NID2: variants seen among roughly 807,000 people sequenced by gnomAD.
NID2 encodes nidogen 2.
A neutral mutation model predicts 145.4 loss-of-function variants in NID2; 83 were observed. The ratio of observed to expected loss-of-function variants is 0.57; its 90% CI spans 0.48 to 0.69. The LOEUF (loss-of-function observed/expected upper bound fraction) is 0.69, where lower values mean the gene tolerates loss of function less well. Among genes scored for constraint, NID2 ranks in the 30% least tolerant of loss-of-function variants. The probability of loss-of-function intolerance (pLI) is 0.00; values close to 1 mark genes in which losing one functional copy is unlikely to be tolerated. For missense variants in NID2, 1,807 were observed against 1,765.7 expected (o/e 1.02, Z -0.42); for synonymous variants, 739 against 701.3 (o/e 1.05, Z -0.85).
chr14:52,029,713 A>C (rs761817602), intron 9 of NID2, 23 bp from the exon 10 acceptor site: 2 of 1,607,148 alleles, frequency 1.2e-6, no homozygotes, highest in Admixed American at 3.3e-5. Context: ...AGGGGAAATA[A>C]AAGCACAATC....
intron 5 of NID2, among the ~76,000 whole-genome samples, chr14:52,045,497 A>C (rs1271809679): frequency 4.6e-5 from 7 of 152,172 alleles, no homozygotes; most frequent in Non-Finnish European, 8.8e-5. Flanking sequence ...AACTTTATTT[A>C]AACAAGAAAG....
intron 14 of NID2, among the ~76,000 whole-genome samples, chr14:52,018,648 C>T (rs537499147): frequency 6.6e-6 from 1 of 152,322 alleles, no homozygotes; most frequent in Non-Finnish European, 1.5e-5. Flanking sequence ...TGTTTCCTGC[C>T]ATTCAGAAGG....
intron 5 of NID2, among the ~76,000 whole-genome samples, chr14:52,049,600 C>T (rs141842119): frequency 2.0e-5 from 3 of 152,096 alleles, no homozygotes; most frequent in Non-Finnish European, 4.4e-5. Flanking sequence ...TCATTTTCAC[C>T]GCAGGAAAAA....
At chr14:52,026,413 C>G (rs947533994) in intron 12 of NID2, among the ~76,000 whole-genome samples, 2 of 152,156 alleles carry the variant, frequency 1.3e-5, no homozygotes, top group Non-Finnish European at 2.9e-5. Context: ...AACACGTTTC[C>G]CACCATTCTC....
chr14:52,045,217 G>C (rs530343569), intron 5 of NID2, among the ~76,000 whole-genome samples: 2 of 152,270 alleles, frequency 1.3e-5, no homozygotes, highest in Non-Finnish European at 2.9e-5. Flanking sequence ...AGATTATCGA[G>C]ATGACTATTA....
chr14:52,012,374 CAGG>C lies in NID2; in HGVS notation c.3421-694_3421-692del, dbSNP rs368573051. Among the ~76,000 whole-genome samples, 3 of 152,296 alleles carry C rather than the reference CAGG, an allele frequency of 2.0e-5. No homozygotes were observed. The East Asian group carries it at 5.8e-4, about 29-fold the overall frequency. ...ATCCCTGTCCGTTGGGAGGCCAAAGCAGGAGGATTGCTTGAGCCCAGGAGTTCG... is the reference window on the plus strand; with the variant it reads ...ATCCCTGTCCGTTGGGAGGCCAAAGCAGGATTGCTTGAGCCCAGGAGTTCG... On this transcript the variant is annotated intron_variant, in intron 16 of 21. Transcript: ENST00000216286.
At chr14:52,057,103 T>C (rs533694133) in intron 3 of NID2, among the ~76,000 whole-genome samples, 1 of 152,274 alleles carries the variant, frequency 6.6e-6, no homozygotes, top group African/African-American at 2.4e-5. Context: ...AGTGGTGTGA[T>C]TGATCATGGC....
intron 6 of NID2, 25 bp from the exon 7 acceptor site, chr14:52,042,375 G>A (rs371632394): frequency 6.3e-7 from 1 of 1,592,130 alleles, no homozygotes; most frequent in Non-Finnish European, 8.6e-7. Context: ...ATCCAGTTAG[G>A]CTTGGACGTC....
intron 15 of NID2, 57 bp downstream of exon 15, chr14:52,014,997 A>G: frequency 7.0e-7 from 1 of 1,428,862 alleles, no homozygotes; most frequent in East Asian, 2.4e-5. Flanking sequence ...AGCAGGCACC[A>G]TCCCTAGCAA....
In NID2 at chr14:52,042,336, C is replaced by T; in HGVS notation, c.1594G>A (p.Val532Met). 2 of 1,610,808 alleles carry T rather than the reference C, an allele frequency of 1.2e-6. No homozygotes were observed. Among genetic ancestry groups the T allele is most frequent in the Non-Finnish European group, 1.7e-6 (2 of 1,177,540 alleles). The change falls in exon 7 of 22, where the codon GTG becomes ATG. Residue 532 changes from valine (V) to methionine (M), a missense_variant. Coordinates refer to ENST00000216286, the MANE Select transcript of NID2 (RefSeq NM_007361.4). ...HCLPEGAPHR[V>M]NGKVSGHLHV... ...AGGTGGCCACTCACTTTCCCATTCA[C>T]TCGGTGAGGTGCCCCTAAAAGACAG...
chr14:52,047,861 C>T (rs889408594), intron 5 of NID2, among the ~76,000 whole-genome samples: 5 of 152,134 alleles, frequency 3.3e-5, no homozygotes, highest in Non-Finnish European at 5.9e-5. Context: ...GTCCTTCACA[C>T]GGAGAGCTGC....
intron 12 of NID2, among the ~76,000 whole-genome samples, chr14:52,025,760 T>C (rs1032131594): frequency 6.6e-6 from 1 of 152,144 alleles, no homozygotes; most frequent in African/African-American, 2.4e-5. Flanking sequence ...CATTAATCCA[T>C]TGATAGGGGC....
intron 18 of NID2, chr14:52,009,180 G>A (rs1890912826): frequency 6.6e-6 from 1 of 152,200 alleles, no homozygotes. Context: ...GAGAAGCTGA[G>A]AGCAAAAGCT....
At chr14:52,048,274 C>T (rs993927279) in intron 5 of NID2, among the ~76,000 whole-genome samples, 3 of 152,170 alleles carry the variant, frequency 2.0e-5, no homozygotes, top group African/African-American at 4.8e-5. Flanking sequence ...GTAATACAGA[C>T]GCACAGCAGC....
chr14:52,035,454 A>G (rs1892025352), intron 9 of NID2, among the ~76,000 whole-genome samples: 1 of 152,200 alleles, frequency 6.6e-6, no homozygotes, highest in Non-Finnish European at 1.5e-5. Flanking sequence ...ATATGCCTAG[A>G]ACATTTTAAA....
chr14:52,049,705 T>G (rs1892625539), intron 5 of NID2, among the ~76,000 whole-genome samples: 1 of 152,146 alleles, frequency 6.6e-6, no homozygotes, highest in Non-Finnish European at 1.5e-5. Context: ...TTCGTCCAGT[T>G]TTCATGTTTG....
chr14:52,034,257 C>A (rs916713390), intron 9 of NID2, among the ~76,000 whole-genome samples: 3 of 152,090 alleles, frequency 2.0e-5, no homozygotes, highest in African/African-American at 7.2e-5. Context: ...CCCAGAGACA[C>A]ATCTTTTTCC....
Position 52,052,924 on chromosome 14 carries a change from C to T in NID2, c.1429+655G>A, listed in dbSNP as rs944082158. Among the ~76,000 whole-genome samples the T allele has an allele frequency of 1.8e-4, 27 of 152,170 alleles. 1 individual carries two copies. Among genetic ancestry groups the T allele is most frequent in the Admixed American group, 5.9e-4 (9 of 15,278 alleles). On this transcript the variant is annotated intron_variant, in intron 5 of 21. Transcript: ENST00000216286. ...CCCCATGTCCATGATAATTAACCAC[C>T]GCCTGCTTTCGCCATCTCCCTCCTC...
chr14:52,033,494 G>A (rs756341098), intron 9 of NID2, among the ~76,000 whole-genome samples: 4 of 152,216 alleles, frequency 2.6e-5, no homozygotes, highest in African/African-American at 4.8e-5. Flanking sequence ...AGAAGTCACC[G>A]AGGGACAGAG....
Sources: gnomAD v4.1 joint callset for allele counts (sites outside exome capture counted in the v4.1 genomes callset) on GRCh38, gnomAD v4.1.1 for gene constraint, MANE v1.5 for transcripts, NCBI Gene and HGNC (gene_info 2026-07-23, HGNC 2026-07-21) for gene names.